The following ARNT2 variants were observed in gnomAD, a reference collection of about 807,000 sequenced individuals.
ARNT2 encodes aryl hydrocarbon receptor nuclear translocator 2, also known as ARNT protein 2.
In ARNT2, 36 loss-of-function variants were observed where a neutral mutation model predicts 91.7. The observed-to-expected ratio is 0.39, with a 90% CI of 0.30 to 0.52. The LOEUF (loss-of-function observed/expected upper bound fraction) is 0.52, where lower values mean the gene tolerates loss of function less well. Among genes scored for constraint, ARNT2 ranks in the 20% least tolerant of loss-of-function variants. The pLI is 0.72. For missense variants in ARNT2, 775 were observed against 939.3 expected (o/e 0.83, Z 2.29); for synonymous variants, 365 against 347.1 (o/e 1.05, Z -0.57).
chr15:80,458,560 C>T (rs964118514), intron 3 of ARNT2, among the ~76,000 whole-genome samples: 3 of 152,112 alleles, frequency 2.0e-5, no homozygotes, highest in African/African-American at 7.2e-5. Flanking sequence ...GCGGGGCCGT[C>T]CTGAGTGCAG....
Position 80,430,596 on chromosome 15 carries a change from C to T in ARNT2, c.32-20284C>T, listed in dbSNP as rs148717767. On this transcript the variant is annotated intron_variant, in intron 1 of 18. Coordinates refer to ENST00000303329, the MANE Select transcript of ARNT2 (RefSeq NM_014862.4). Reference sequence around the variant, plus strand: ...CGGGAGCTGCAAATAGCCTCAGTCCCTCTGTGCTGGCTTCTTTGCACTCTC... The same window carrying T: ...CGGGAGCTGCAAATAGCCTCAGTCCTTCTGTGCTGGCTTCTTTGCACTCTC... Among the ~76,000 whole-genome samples, 311 of 152,330 alleles carry T rather than the reference C, an allele frequency of 2.0e-3. 2 individuals carry two copies. Among genetic ancestry groups the T allele is most frequent in the Middle Eastern group, 0.02 (6 of 294 alleles).
At position 80,594,553 on chromosome 15, in the gene ARNT2, A is replaced by C. The variant is rs1185220318; in HGVS notation, c.*855A>C. 6.6e-6 allele frequency: 1 copy of C among 152,298 alleles called. No homozygotes were observed. Among genetic ancestry groups the C allele is most frequent in the Non-Finnish European group, 1.5e-5 (1 of 68,114 alleles). The allele number at this position is 152,298 out of a possible 1,614,324, so 9.4% of individuals were successfully genotyped here. ...GTTCTTTGGTCCAAGCCTCTGGTGC[A>C]GATTCAAGCTCCTCCTCTTAGAGGA... On this transcript the variant is annotated 3_prime_UTR_variant, in exon 19 of 19. Transcript: ENST00000303329.
In ARNT2 at chr15:80,431,197, A is replaced by G. The variant is rs1896003860; in HGVS notation, c.32-19683A>G. Among the ~76,000 whole-genome samples, 3 of 152,170 alleles carry G rather than the reference A, an allele frequency of 2.0e-5. No homozygotes were observed. In the South Asian group the frequency reaches 6.2e-4, roughly 32 times the overall value. On this transcript the variant is annotated intron_variant, in intron 1 of 18. Transcript: ENST00000303329. ...CCTTACATTTTCTTCGGGAGGCCAC[A>G]GCCTTGGGCCTTGTGAACAGCACGC...
Position 80,574,876 on chromosome 15 carries a change from G to A in ARNT2, c.1390-111G>A, listed in dbSNP as rs1898642202. 5.9e-6 allele frequency: 8 copies of A among 1,346,078 alleles called. No individual in the cohort carries two copies. In the South Asian group the frequency reaches 1.2e-4, roughly 20 times the overall value. 83.4% of individuals were successfully genotyped at this position (1,346,078 alleles called of 1,614,324 possible). ...TAAAATGTTCCAGCCCAAAATGCCA[G>A]TGATTCCAGAGGGAGGGGGCTCTGA... On this transcript the variant is annotated intron_variant, in intron 13 of 18. Transcript: ENST00000303329.
intron 1 of ARNT2, among the ~76,000 whole-genome samples, chr15:80,437,862 A>C (rs1285462429): frequency 1.3e-5 from 2 of 151,864 alleles, no homozygotes; most frequent in African/African-American, 4.8e-5. Flanking sequence ...GGGCAGTAAA[A>C]ATCCTATGTA....
intron 17 of ARNT2, among the ~76,000 whole-genome samples, chr15:80,583,931 G>A (rs1898843546): frequency 6.6e-6 from 1 of 152,216 alleles, no homozygotes; most frequent in African/African-American, 2.4e-5. Context: ...CTTCCAATGA[G>A]GGCATGGAAA....
intron 5 of ARNT2, among the ~76,000 whole-genome samples, chr15:80,499,732 C>T (rs1328871248): frequency 1.3e-5 from 2 of 152,194 alleles, no homozygotes; most frequent in Non-Finnish European, 2.9e-5. Flanking sequence ...GGGTGAGTTA[C>T]TATGATTGGC....
intron 8 of ARNT2, among the ~76,000 whole-genome samples, chr15:80,526,819 C>T (rs1244904947): frequency 6.6e-6 from 1 of 152,250 alleles, no homozygotes; most frequent in East Asian, 1.9e-4. Flanking sequence ...TCAGTTTTGC[C>T]ATGAGCTCAT....
chr15:80,461,989 G>A (rs576530971), intron 3 of ARNT2, among the ~76,000 whole-genome samples: 192 of 152,190 alleles, frequency 1.3e-3, no homozygotes, highest in Non-Finnish European at 1.6e-3. Context: ...TGATCCTCCC[G>A]GGCAGCTGGT....
intron 5 of ARNT2, among the ~76,000 whole-genome samples, chr15:80,504,526 T>TG (rs61278103): frequency 1 from 152,292 of 152,304 alleles, 76,140 homozygotes; most frequent in Non-Finnish European, 1. Flanking sequence ...CCCAGCACTT[T>TG]GGAGGCCGAG....
chr15:80,435,475 C>G (rs1595960612), intron 1 of ARNT2, among the ~76,000 whole-genome samples: 1 of 152,268 alleles, frequency 6.6e-6, no homozygotes, highest in Non-Finnish European at 1.5e-5. Flanking sequence ...TTCCTTTCAT[C>G]CTGGGCCCTG....
intron 3 of ARNT2, among the ~76,000 whole-genome samples, chr15:80,469,924 C>T (rs1896709637): frequency 6.6e-6 from 1 of 152,116 alleles, no homozygotes; most frequent in African/African-American, 2.4e-5. Context: ...CCTCGTGTCT[C>T]AATTTTTTAT....
At chr15:80,439,468 T>C (rs1047668988) in intron 1 of ARNT2, among the ~76,000 whole-genome samples, 3 of 152,336 alleles carry the variant, frequency 2.0e-5, no homozygotes, top group Non-Finnish European at 4.4e-5. Flanking sequence ...AGCTGAACTT[T>C]GATGGGTCCC....
rs374475219 is a variant in ARNT2 at position 80,410,509 on chromosome 15, T to G, written c.31+5963T>G. On this transcript the variant is annotated intron_variant, in intron 1 of 18. Transcript: ENST00000303329. ...GTCATGGAGGCAGTGGGACACATGC[T>G]CCCAGAGATCTGGGCTGGAGAAGGA... 2.6e-5 allele frequency among the ~76,000 whole-genome samples: 4 copies of G among 152,218 alleles called. No homozygotes were observed. The East Asian group carries it at 7.7e-4, about 29-fold the overall frequency.
chr15:80,565,476 C>G (rs915575337), intron 12 of ARNT2, among the ~76,000 whole-genome samples: 1 of 152,026 alleles, frequency 6.6e-6, no homozygotes, highest in African/African-American at 2.4e-5. Context: ...TTCCCATCAT[C>G]AGTGTGTGAG....
intron 13 of ARNT2, 89 bp from the exon 14 acceptor site, chr15:80,574,898 C>T (rs1898642637): frequency 6.8e-7 from 1 of 1,467,288 alleles, no homozygotes; most frequent in South Asian, 1.3e-5. Flanking sequence ...GGAGGGGGCT[C>T]TGATGAAGGA....
At chr15:80,484,819 G>A (rs1439636052) in intron 5 of ARNT2, among the ~76,000 whole-genome samples, 2 of 152,180 alleles carry the variant, frequency 1.3e-5, no homozygotes, top group Non-Finnish European at 2.9e-5. Context: ...GGGATGGGGG[G>A]CGGTGCATAG....
chr15:80,566,236 A>G (rs1474548518), intron 12 of ARNT2, among the ~76,000 whole-genome samples: 2 of 148,032 alleles, frequency 1.4e-5, no homozygotes, highest in East Asian at 3.9e-4. Flanking sequence ...GGTCTTCTAA[A>G]TGCCCTGCCT....
chr15:80,535,287 G>T (rs546747718), intron 8 of ARNT2, among the ~76,000 whole-genome samples: 1 of 152,130 alleles, frequency 6.6e-6, no homozygotes, highest in Non-Finnish European at 1.5e-5. Context: ...TTTTGCAATC[G>T]TTATGTCAGT....
Sources: gnomAD v4.1 joint callset for allele counts (sites outside exome capture counted in the v4.1 genomes callset) on GRCh38, gnomAD v4.1.1 for gene constraint, MANE v1.5 for transcripts, NCBI Gene and HGNC (gene_info 2026-07-23, HGNC 2026-07-21) for gene names.